Variants in DCDC1 observed in about 807,000 individuals in gnomAD.
DCDC1 encodes the protein doublecortin domain containing 1, also known as doublecortin domain-containing protein 1.
In DCDC1, 200 loss-of-function variants were observed where a neutral mutation model predicts 178.3. The ratio of observed to expected loss-of-function variants is 1.12; its 90% CI spans 1.00 to 1.26. The LOEUF (loss-of-function observed/expected upper bound fraction) is 1.26. DCDC1 is among the 50% of genes most tolerant of loss of function. The pLI, the probability that DCDC1 is intolerant of heterozygous loss-of-function variation, is 0.00. For synonymous variants in DCDC1, 690 were observed against 604.8 expected, an observed-to-expected ratio of 1.14 and a Z score of -2.07; for missense variants, 1,983 against 1,749.2, an observed-to-expected ratio of 1.13 and a Z score of -2.38.
chr11:31,101,341 A>G (rs1958489640), intron 15 of DCDC1, among the ~76,000 whole-genome samples: 2 of 147,868 alleles, frequency 1.4e-5, no homozygotes, highest in African/African-American at 5.1e-5. Flanking sequence ...TAGATTTAAA[A>G]CGCCTTTCAT....
intron 9 of DCDC1, among the ~76,000 whole-genome samples, chr11:31,197,633 C>T (rs1181523537): frequency 1.3e-5 from 2 of 152,026 alleles, no homozygotes; most frequent in African/African-American, 2.4e-5. Flanking sequence ...AAACTGAATC[C>T]TTCTTAATGT....
intron 3 of DCDC1, among the ~76,000 whole-genome samples, chr11:31,310,922 T>C (rs1948734580): frequency 6.6e-6 from 1 of 152,202 alleles, no homozygotes; most frequent in Admixed American, 6.5e-5. Flanking sequence ...CATTCATGGC[T>C]GTCAAGGATA....
intron 6 of DCDC1, among the ~76,000 whole-genome samples, chr11:31,298,449 C>A (rs1947861094): frequency 6.6e-6 from 1 of 152,228 alleles, no homozygotes; most frequent in South Asian, 2.1e-4. Context: ...CTAGTGAGGA[C>A]CTAAGGTTTA....
intron 20 of DCDC1, among the ~76,000 whole-genome samples, chr11:30,957,667 T>C (rs1948846383): frequency 6.6e-6 from 1 of 152,110 alleles, no homozygotes; most frequent in South Asian, 2.1e-4. Context: ...TGAAAAACAA[T>C]CCCTGGTTTA....
chr11:31,099,199 T>C (rs757095060), intron 15 of DCDC1, among the ~76,000 whole-genome samples: 4 of 152,196 alleles, frequency 2.6e-5, no homozygotes, highest in Non-Finnish European at 4.4e-5. Context: ...CTTAATCGAC[T>C]ATTAAATTCA....
At chr11:30,865,900 G>T (rs1940939162) in intron 38 of DCDC1, among the ~76,000 whole-genome samples, 1 of 152,020 alleles carries the variant, frequency 6.6e-6, no homozygotes, top group Admixed American at 6.6e-5. Flanking sequence ...GGCTTGTGTG[G>T]GTGAGGTTTG....
chr11:31,010,898 T>C (rs1339935200), intron 20 of DCDC1, among the ~76,000 whole-genome samples: 1 of 152,198 alleles, frequency 6.6e-6, no homozygotes, highest in Non-Finnish European at 1.5e-5. Context: ...TGTTTTTTGC[T>C]TTCATCATGA....
intron 9 of DCDC1, among the ~76,000 whole-genome samples, chr11:31,223,264 C>A (rs1299283262): frequency 6.6e-6 from 1 of 152,084 alleles, no homozygotes; most frequent in East Asian, 1.9e-4. Context: ...TAGTTGATCT[C>A]TTTAGCATTG....
At chr11:31,093,905 C>T (rs1006315221) in intron 16 of DCDC1, 145 bp downstream of exon 16, 18 of 645,878 alleles carry the variant, frequency 2.8e-5, no homozygotes, top group African/African-American at 1.1e-4. Flanking sequence ...GCAATACCAA[C>T]GGCAGAGATG....
chr11:30,930,027 G>A (rs924183032), intron 22 of DCDC1, among the ~76,000 whole-genome samples: 7 of 152,044 alleles, frequency 4.6e-5, no homozygotes, highest in Admixed American at 4.6e-4. Flanking sequence ...GGCAAGATTT[G>A]GTTAAAGTAT....
chr11:30,935,254 C>T (rs748415751), intron 21 of DCDC1, among the ~76,000 whole-genome samples: 18 of 152,290 alleles, frequency 1.2e-4, no homozygotes, highest in Middle Eastern at 3.4e-3. Context: ...GTCCATCATA[C>T]GTCATCCCAG....
Position 31,265,557 on chromosome 11 carries a change from G to C in DCDC1, c.1004C>G (p.Ala335Gly). 1.4e-6 allele frequency: 2 copies of C among 1,438,422 alleles called. No individual in the cohort carries two copies. Among genetic ancestry groups the C allele is most frequent in the Non-Finnish European group, 1.8e-6 (2 of 1,090,750 alleles). 89.1% of individuals were successfully genotyped at this position (1,438,422 alleles called of 1,614,324 possible). A position where few individuals can be genotyped will look rare whatever the true frequency, so the allele number is the denominator to read the frequency against. The change falls in exon 8 of 39, where the codon GCC becomes GGC. Residue 335 changes from alanine to glycine, a missense_variant. Coordinates refer to ENST00000684477, the MANE Select transcript of DCDC1 (RefSeq NM_001387274.1). The stretch of plus-strand genomic sequence containing the variant: ...GCCATACAAATCATAAAAATATCTG[G>C]CTGGTAAATTTAGATTCATTCTTAT... ...CTIRMNLNLPARYFYDLYGRK... is the reference protein window; with the variant it reads ...CTIRMNLNLPGRYFYDLYGRK...
chr11:31,125,104 A>T (rs1230357720), intron 11 of DCDC1, among the ~76,000 whole-genome samples: 1 of 152,182 alleles, frequency 6.6e-6, no homozygotes, highest in African/African-American at 2.4e-5. Flanking sequence ...CCCATTAAAA[A>T]GTGGGCAAAG....
chr11:30,920,868 T>C lies in DCDC1; in HGVS notation c.3201A>G (p.Ala1067=), dbSNP rs1248673186. 6.2e-7 allele frequency: 1 copy of C among 1,613,536 alleles called. No individual in the cohort carries two copies. Among genetic ancestry groups the C allele is most frequent in the Non-Finnish European group, 8.5e-7 (1 of 1,179,690 alleles). ...GSKLAVHKPV[A]IFGEEKQVTE... ...TAACTTGCTTCTCTTCTCCAAAAATTGCTACAGGTTTATGCACAGCAAGCT... is the reference window on the plus strand; with the variant it reads ...TAACTTGCTTCTCTTCTCCAAAAATCGCTACAGGTTTATGCACAGCAAGCT... Residue 1067 remains alanine (A), a synonymous_variant, in exon 25 of 39, where the codon GCA becomes GCG. Transcript: ENST00000684477.
intron 38 of DCDC1, among the ~76,000 whole-genome samples, chr11:30,866,169 G>A (rs1404009099): frequency 6.6e-6 from 1 of 152,176 alleles, no homozygotes; most frequent in Non-Finnish European, 1.5e-5. Flanking sequence ...GGATTGAGGT[G>A]ATGCTTCTAC....
At chr11:31,079,772 GA>G (rs1957070063) in intron 17 of DCDC1, among the ~76,000 whole-genome samples, 3 of 152,248 alleles carry the variant, frequency 2.0e-5, no homozygotes, top group South Asian at 4.1e-4. Context: ...TTATAAAGGA[GA>G]AATGATTTGA....
At chr11:30,931,696 A>C in intron 22 of DCDC1, 75 bp downstream of exon 22, 1 of 1,396,224 alleles carries the variant, frequency 7.2e-7, no homozygotes. Flanking sequence ...CCACAGAAAA[A>C]CATCCATAAT....
chr11:31,337,246 G>T (rs949416029), intron 1 of DCDC1, among the ~76,000 whole-genome samples: 1 of 152,156 alleles, frequency 6.6e-6, no homozygotes, highest in African/African-American at 2.4e-5. Flanking sequence ...GGGACTTTGG[G>T]CCTTGCAGGG....
chr11:30,930,428 TAG>T (rs572635867), intron 22 of DCDC1, among the ~76,000 whole-genome samples: 5 of 152,268 alleles, frequency 3.3e-5, no homozygotes, highest in African/African-American at 1.2e-4. Context: ...CTATATGTAG[TAG>T]AGTTTTAGTG....
Sources: gnomAD v4.1 joint callset for allele counts (sites outside exome capture counted in the v4.1 genomes callset) on GRCh38, gnomAD v4.1.1 for gene constraint, MANE v1.5 for transcripts, NCBI Gene and HGNC (gene_info 2026-07-23, HGNC 2026-07-21) for gene names.